RARB: variants seen among roughly 807,000 people sequenced by gnomAD.
The protein encoded by RARB is retinoic acid receptor beta, also known as HBV-activated protein.
RARB carries 17 observed loss-of-function variants against 51.9 expected under a neutral mutation model. That is an observed-to-expected ratio of 0.33 (90% CI 0.22 to 0.49). RARB has a LOEUF of 0.49. Ranked by LOEUF, RARB falls within the 20% of genes least tolerant of loss-of-function variation. The pLI, the probability that RARB is intolerant of heterozygous loss-of-function variation, is 0.99. For missense variants in RARB, 369 were observed against 550.8 expected (o/e 0.67, Z 3.30); for synonymous variants, 215 against 195.4 (o/e 1.10, Z -0.84).
chr3:25,569,039 A>G (rs186474470), intron 3 of RARB, among the ~76,000 whole-genome samples: 2 of 152,372 alleles, frequency 1.3e-5, no homozygotes, highest in Non-Finnish European at 2.9e-5. Context: ...GAGGGAAAGG[A>G]CACACACCTG....
At chr3:24,944,381 A>G (rs1695731867) in intron 2 of RARB, among the ~76,000 whole-genome samples, 1 of 152,204 alleles carries the variant, frequency 6.6e-6, no homozygotes, top group African/African-American at 2.4e-5. Flanking sequence ...AATAGCTAAC[A>G]TTGATAGAGG....
Position 25,156,115 on chromosome 3 carries a change from ATAG to A in RARB, c.-279-17999_-279-17997del, listed in dbSNP as rs570766684. ...AGCCAAACCAGCCACATCAGCATCA[ATAG>A]TAGTTAATAGATAATCAGATCCTCA... On this transcript the variant is annotated intron_variant, in intron 4 of 11. Transcript: ENST00000383772. Among the ~76,000 whole-genome samples the A allele has an allele frequency of 1.4e-3, 218 of 152,304 alleles. 1 individual carries two copies. The highest frequency in any genetic ancestry group is 5.1e-3 in the African/African-American group (210 of 41,566).
At chr3:25,393,419 G>A (rs1266609294) in intron 5 of RARB, among the ~76,000 whole-genome samples, 1 of 151,908 alleles carries the variant, frequency 6.6e-6, no homozygotes, top group Non-Finnish European at 1.5e-5. Context: ...GATTTAGGGA[G>A]GATTTCCTCT....
At chr3:25,557,527 AAGG>A (rs756621810) in intron 3 of RARB, among the ~76,000 whole-genome samples, 2 of 151,976 alleles carry the variant, frequency 1.3e-5, no homozygotes, top group African/African-American at 2.4e-5. Flanking sequence ...CTAAGTGGAG[AAGG>A]AGGAGGCCCT....
At chr3:24,911,306 G>A (rs1182580420) in intron 2 of RARB, among the ~76,000 whole-genome samples, 1 of 152,070 alleles carries the variant, frequency 6.6e-6, no homozygotes, top group African/African-American at 2.4e-5. Context: ...TGTTCTGTTC[G>A]ATTGTAAAAG....
At chr3:24,906,453 T>G (rs899544074) in intron 2 of RARB, among the ~76,000 whole-genome samples, 2 of 152,212 alleles carry the variant, frequency 1.3e-5, no homozygotes, top group African/African-American at 4.8e-5. Context: ...GAGATTGTTG[T>G]AACAAAAGTA....
chr3:25,082,429 A>G (rs1575152250), intron 3 of RARB, among the ~76,000 whole-genome samples: 2 of 151,732 alleles, frequency 1.3e-5, no homozygotes. Context: ...CAGTAATTAT[A>G]CCCCTTTATA....
chr3:25,198,038 A>C (rs775566345), intron 5 of RARB, among the ~76,000 whole-genome samples: 3 of 151,824 alleles, frequency 2.0e-5, no homozygotes, highest in Non-Finnish European at 4.4e-5. Flanking sequence ...AATGTACTAC[A>C]GTAACCAAAA....
chr3:25,016,057 T>C (rs1332054480), intron 2 of RARB, among the ~76,000 whole-genome samples: 4 of 152,226 alleles, frequency 2.6e-5, no homozygotes, highest in Admixed American at 2.6e-4. Context: ...AATGGGTACA[T>C]GCTATTTGCA....
chr3:25,200,816 C>T (rs1003517049), intron 5 of RARB, among the ~76,000 whole-genome samples: 2 of 152,104 alleles, frequency 1.3e-5, no homozygotes, highest in Non-Finnish European at 2.9e-5. Context: ...TGTTTTGGTA[C>T]CAGTACCATA....
intron 3 of RARB, among the ~76,000 whole-genome samples, chr3:25,112,856 G>A (rs1559470887): frequency 6.6e-6 from 1 of 152,172 alleles, no homozygotes; most frequent in African/African-American, 2.4e-5. Context: ...TTTGAGGGCA[G>A]AGTCATGTCA....
chr3:25,402,657 T>G (rs9876246), intron 5 of RARB, among the ~76,000 whole-genome samples: 1 of 151,958 alleles, frequency 6.6e-6, no homozygotes, highest in Non-Finnish European at 1.5e-5. Flanking sequence ...TTGCAACAAC[T>G]TGGGTGGAAC....
intron 3 of RARB, among the ~76,000 whole-genome samples, chr3:25,097,027 A>G (rs1299002463): frequency 6.6e-6 from 1 of 152,140 alleles, no homozygotes; most frequent in Non-Finnish European, 1.5e-5. Flanking sequence ...CACCTCAGAA[A>G]TCTTGCTTTA....
intron 5 of RARB, among the ~76,000 whole-genome samples, chr3:25,267,733 T>C (rs1400445953): frequency 6.6e-6 from 1 of 152,204 alleles, no homozygotes; most frequent in South Asian, 2.1e-4. Flanking sequence ...GGGAGCTATC[T>C]GGAAGTTCAT....
At chr3:24,921,720 T>C (rs914991284) in intron 2 of RARB, among the ~76,000 whole-genome samples, 2 of 152,148 alleles carry the variant, frequency 1.3e-5, no homozygotes, top group Admixed American at 1.3e-4. Flanking sequence ...TCTTAAGCAA[T>C]GCCCTCTACC....
At chr3:25,180,261 T>A (rs1268845803) in intron 5 of RARB, among the ~76,000 whole-genome samples, 1 of 152,126 alleles carries the variant, frequency 6.6e-6, no homozygotes, top group Non-Finnish European at 1.5e-5. Context: ...GATGGAGTAA[T>A]GGTTTAAGAA....
At chr3:25,199,547 C>G (rs1040984442) in intron 5 of RARB, among the ~76,000 whole-genome samples, 1 of 152,020 alleles carries the variant, frequency 6.6e-6, no homozygotes, top group African/African-American at 2.4e-5. Flanking sequence ...TGGTGTGCTG[C>G]ACCCATTAAC....
intron 5 of RARB, among the ~76,000 whole-genome samples, chr3:25,236,127 A>T (rs1389927858): frequency 1.3e-5 from 2 of 152,114 alleles, no homozygotes; most frequent in Non-Finnish European, 2.9e-5. Flanking sequence ...TTCATTCATG[A>T]TGTAGTTATA....
chr3:25,583,367 G>A (rs755194162), intron 5 of RARB, among the ~76,000 whole-genome samples: 15 of 152,232 alleles, frequency 9.9e-5, no homozygotes, highest in Non-Finnish European at 2.2e-4. Context: ...ACAGACCCAG[G>A]CTGAGGTTAT....
Sources: gnomAD v4.1 joint callset for allele counts (sites outside exome capture counted in the v4.1 genomes callset) on GRCh38, gnomAD v4.1.1 for gene constraint, MANE v1.5 for transcripts, NCBI Gene and HGNC (gene_info 2026-07-23, HGNC 2026-07-21) for gene names.